ASZ1: variants seen among roughly 807,000 people sequenced by gnomAD.
ASZ1 encodes ankyrin repeat, SAM and basic leucine zipper domain containing 1.
A neutral mutation model predicts 61.8 loss-of-function variants in ASZ1; 67 were observed. The ratio of observed to expected loss-of-function variants is 1.08; its 90% CI spans 0.89 to 1.33. ASZ1 has a LOEUF of 1.33. Ranked by LOEUF, ASZ1 falls within the 40% of genes most tolerant of loss-of-function variation. The pLI is 0.00. For missense variants in ASZ1, 577 were observed against 554.5 expected (o/e 1.04, Z -0.41); for synonymous variants, 193 against 192.7 (o/e 1.00, Z -0.01).
At chr7:117,397,068 A>G (rs573047914) in intron 4 of ASZ1, among the ~76,000 whole-genome samples, 1 of 151,866 alleles carries the variant, frequency 6.6e-6, no homozygotes, top group East Asian at 1.9e-4. Context: ...ACAATAATTA[A>G]AATACCTAAA....
intron 4 of ASZ1, among the ~76,000 whole-genome samples, chr7:117,409,250 C>A (rs1413882437): frequency 6.6e-6 from 1 of 151,872 alleles, no homozygotes; most frequent in African/African-American, 2.4e-5. Flanking sequence ...CAAAACATGG[C>A]TTTTCAAAGA....
intron 4 of ASZ1, among the ~76,000 whole-genome samples, chr7:117,411,043 A>G (rs1012284037): frequency 6.6e-6 from 1 of 151,504 alleles, no homozygotes; most frequent in Non-Finnish European, 1.5e-5. Flanking sequence ...GACACTAATA[A>G]GATAAAAGTC....
At chr7:117,382,217 TG>T in intron 7 of ASZ1, 73 bp from the exon 8 acceptor site, 1 of 903,226 alleles carries the variant, frequency 1.1e-6, no homozygotes, top group South Asian at 1.4e-5. Context: ...ACATTTATAT[TG>T]CAAGAGAATA....
intron 9 of ASZ1, 122 bp downstream of exon 9, chr7:117,380,889 G>A: frequency 2.4e-6 from 2 of 839,938 alleles, no homozygotes; most frequent in Non-Finnish European, 3.8e-6. Context: ...ATCTAATCAA[G>A]GACACAGTAG....
At chr7:117,387,260 A>G (rs1420504930) in intron 4 of ASZ1, among the ~76,000 whole-genome samples, 1 of 151,704 alleles carries the variant, frequency 6.6e-6, no homozygotes, top group Non-Finnish European at 1.5e-5. Context: ...GTGAGCCGAG[A>G]TTGTGCCACT....
At chr7:117,374,256 C>T (rs1342147691) in intron 10 of ASZ1, among the ~76,000 whole-genome samples, 1 of 152,032 alleles carries the variant, frequency 6.6e-6, no homozygotes, top group Non-Finnish European at 1.5e-5. Context: ...ATTAATGTTT[C>T]TCATAATTAC....
intron 4 of ASZ1, among the ~76,000 whole-genome samples, chr7:117,405,190 G>T (rs1796758613): frequency 6.6e-6 from 1 of 152,102 alleles, no homozygotes; most frequent in Admixed American, 6.6e-5. Context: ...AGTGTCCCAG[G>T]ATGATTTATT....
At chr7:117,381,212 C>T in intron 8 of ASZ1, 145 bp from the exon 9 acceptor site, 1 of 590,652 alleles carries the variant, frequency 1.7e-6, no homozygotes. Flanking sequence ...ACATGCAGAA[C>T]TATGCTACTG....
intron 3 of ASZ1, 70 bp from the exon 4 acceptor site, chr7:117,420,344 C>A: frequency 1.8e-6 from 2 of 1,083,814 alleles, no homozygotes; most frequent in East Asian, 2.4e-5. Flanking sequence ...CTTTACCACT[C>A]AAAACATTCT....
chr7:117,405,075 CT>C (rs1245793675), intron 4 of ASZ1, among the ~76,000 whole-genome samples: 1 of 152,066 alleles, frequency 6.6e-6, no homozygotes, highest in Non-Finnish European at 1.5e-5. Context: ...CCACTTTTAC[CT>C]TGGTGGTGGC....
intron 4 of ASZ1, among the ~76,000 whole-genome samples, chr7:117,392,907 C>T (rs1312999082): frequency 2.0e-5 from 3 of 148,874 alleles, no homozygotes; most frequent in Admixed American, 6.7e-5. Context: ...AGTGCAGTGG[C>T]ACAATCTCTG....
At chr7:117,405,230 G>A (rs1159920569) in intron 4 of ASZ1, among the ~76,000 whole-genome samples, 1 of 152,212 alleles carries the variant, frequency 6.6e-6, no homozygotes, top group Non-Finnish European at 1.5e-5. Flanking sequence ...CAGCCTGACA[G>A]TTGAAGACTC....
At chr7:117,405,664 C>A (rs1796769006) in intron 4 of ASZ1, among the ~76,000 whole-genome samples, 1 of 152,304 alleles carries the variant, frequency 6.6e-6, no homozygotes. Context: ...TTGGTGCTCA[C>A]AGGATTCTTT....
At chr7:117,426,993 T>C in intron 1 of ASZ1, 58 bp from the exon 2 acceptor site, 3 of 1,459,328 alleles carry the variant, frequency 2.1e-6, no homozygotes, top group South Asian at 2.7e-5. Context: ...TTCCACCTCA[T>C]CAGGAAACAA....
intron 10 of ASZ1, among the ~76,000 whole-genome samples, chr7:117,370,913 C>T (rs1160665529): frequency 1.5e-4 from 23 of 151,090 alleles, no homozygotes. Flanking sequence ...GTAACCTCTG[C>T]TCCTGGGTTC....
At chr7:117,401,305 A>G (rs995349046) in intron 4 of ASZ1, among the ~76,000 whole-genome samples, 2 of 152,164 alleles carry the variant, frequency 1.3e-5, no homozygotes, top group African/African-American at 4.8e-5. Flanking sequence ...AATGAAATAC[A>G]TCAAACAACA....
At chr7:117,368,744 C>G (rs1352677250) in intron 10 of ASZ1, 27 bp from the exon 11 acceptor site, 2 of 1,606,992 alleles carry the variant, frequency 1.2e-6, no homozygotes, top group South Asian at 1.1e-5. Context: ...AACAAACAAG[C>G]AGGAATTACT....
At chr7:117,400,844 A>G (rs1796666885) in intron 4 of ASZ1, among the ~76,000 whole-genome samples, 1 of 152,194 alleles carries the variant, frequency 6.6e-6, no homozygotes, top group Non-Finnish European at 1.5e-5. Context: ...ACTGTGGAAA[A>G]TACAGGAAAT....
intron 6 of ASZ1, 41 bp from the exon 7 acceptor site, chr7:117,383,151 A>G: frequency 2.7e-6 from 4 of 1,474,726 alleles, no homozygotes; most frequent in Admixed American, 2.5e-5. Flanking sequence ...TTAACATTGC[A>G]TACTGTAACT....
Sources: allele counts gnomAD v4.1 joint callset (sites outside exome capture counted in the v4.1 genomes callset), GRCh38; gene constraint gnomAD v4.1.1; transcripts MANE v1.5; gene names NCBI Gene and HGNC (gene_info 2026-07-23, HGNC 2026-07-21).